Variants in SGPP2 observed in about 807,000 individuals in gnomAD.
SGPP2 encodes sphingosine 1-phosphate phosphohydrolase 2.
SGPP2 carries 30 observed loss-of-function variants against 33.9 expected under a neutral mutation model. The observed-to-expected ratio is 0.89, with a 90% CI of 0.66 to 1.20. SGPP2 has a LOEUF of 1.20. SGPP2 is among the 50% of genes most tolerant of loss of function. SGPP2 has a pLI of 0.00. For missense variants in SGPP2, 458 were observed against 532.1 expected, an observed-to-expected ratio of 0.86 and a Z score of 1.37; for synonymous variants, 233 against 225.0, an observed-to-expected ratio of 1.04 and a Z score of -0.32.
At chr2:222,466,253 C>CTTTTTTTTTTTTTTTTTTTTTTT (rs34005867) in intron 1 of SGPP2, among the ~76,000 whole-genome samples, 1 of 104,704 alleles carries the variant, frequency 9.6e-6, no homozygotes, top group Non-Finnish European at 1.9e-5. Context: ...CTGTTTTCAA[C>CTTTTTTTTTTTTTTTTTTTTTTT]TTTTTTTTTT....
intron 4 of SGPP2, among the ~76,000 whole-genome samples, chr2:222,544,276 T>C (rs1050777281): frequency 5.9e-5 from 9 of 152,240 alleles, no homozygotes; most frequent in Non-Finnish European, 1.2e-4. Context: ...TGAATTACTG[T>C]TCTGTACTAT....
At chr2:222,445,304 C>T (rs191770278) in intron 1 of SGPP2, among the ~76,000 whole-genome samples, 1 of 152,278 alleles carries the variant, frequency 6.6e-6, no homozygotes. Context: ...AAACTTTCTG[C>T]CTTCTGTTCT....
chr2:222,530,622 T>G (rs1018737361), intron 4 of SGPP2, among the ~76,000 whole-genome samples: 1 of 152,246 alleles, frequency 6.6e-6, no homozygotes, highest in African/African-American at 2.4e-5. Context: ...TGCTCTGGAT[T>G]AGACTTTGGC....
rs528182101 is a variant in SGPP2, at chr2:222,550,007, G to A, written c.649-8340G>A. Among the ~76,000 whole-genome samples, 90 of 151,886 alleles carry A rather than the reference G, an allele frequency of 5.9e-4. No homozygotes were observed. The highest frequency in any genetic ancestry group is 1.7e-3 in the South Asian group (8 of 4,802). On this transcript the variant is annotated intron_variant, in intron 4 of 4. Transcript: ENST00000321276. The surrounding 1 kb of genome is among the most constrained non-coding windows in gnomAD (Gnocchi z 4.5). ...TTCCCCTGCCTCAGCCTCCTGAGTA[G>A]CTGGAACTACAGGCACGCGCCACCA...
intron 2 of SGPP2, among the ~76,000 whole-genome samples, chr2:222,488,643 C>G (rs1397433132): frequency 6.6e-6 from 1 of 152,030 alleles, no homozygotes; most frequent in South Asian, 2.1e-4. Flanking sequence ...AAATACAAGC[C>G]CAAAGGGTAT....
intron 4 of SGPP2, among the ~76,000 whole-genome samples, chr2:222,552,556 A>C (rs1474565936): frequency 1.3e-5 from 2 of 152,152 alleles, no homozygotes; most frequent in African/African-American, 4.8e-5. Context: ...AAATCTCACA[A>C]ATCATCACTA....
intron 1 of SGPP2, among the ~76,000 whole-genome samples, chr2:222,471,141 C>G (rs530851471): frequency 1.3e-5 from 2 of 152,278 alleles, no homozygotes; most frequent in South Asian, 4.1e-4. Context: ...TGGGAGACCC[C>G]TTTTTAGATT....
intron 1 of SGPP2, among the ~76,000 whole-genome samples, chr2:222,426,209 CAA>C (rs59881994): frequency 0.051 from 2,986 of 58,410 alleles, 36 homozygotes; most frequent in African/African-American, 0.17. Flanking sequence ...GACTCCGTCT[CAA>C]AAAAAAAAAA....
chr2:222,429,710 C>T (rs1425867786), intron 1 of SGPP2, among the ~76,000 whole-genome samples: 3 of 152,164 alleles, frequency 2.0e-5, no homozygotes, highest in African/African-American at 7.2e-5. Context: ...CATCTTTGTA[C>T]AAGTATCTCT....
chr2:222,440,255 AAGTGTTT>A (rs1455756081), intron 1 of SGPP2, among the ~76,000 whole-genome samples: 1 of 152,118 alleles, frequency 6.6e-6, no homozygotes, highest in Non-Finnish European at 1.5e-5. Context: ...GAGCACAGAG[AAGTGTTT>A]GAGTGTCAGA....
Position 222,473,662 on chromosome 2 carries a change from C to T in SGPP2, c.220-906C>T, listed in dbSNP as rs140390242. ...TTGTCAGGCCGGGCACGGTGGCTCA[C>T]GCCCGTAATCCCAGCACTTTGGGAG... On this transcript the variant is annotated intron_variant, in intron 1 of 4. Transcript: ENST00000321276. Among the ~76,000 whole-genome samples, 356 of 152,284 alleles carry T rather than the reference C, an allele frequency of 2.3e-3. 1 individual carries two copies. Among genetic ancestry groups the T allele is most frequent in the East Asian group, 0.023 (119 of 5,182 alleles).
At chr2:222,440,186 A>C (rs1697303053) in intron 1 of SGPP2, among the ~76,000 whole-genome samples, 1 of 152,232 alleles carries the variant, frequency 6.6e-6, no homozygotes. Flanking sequence ...TGCTGTTTCC[A>C]GAGCTTCAGG....
At chr2:222,498,807 G>A (rs1698322564) in intron 2 of SGPP2, among the ~76,000 whole-genome samples, 1 of 152,070 alleles carries the variant, frequency 6.6e-6, no homozygotes, top group South Asian at 2.1e-4. Context: ...GGTCAGAGAA[G>A]GCCTTTCAGA....
At chr2:222,538,975 C>G (rs1007143121) in intron 4 of SGPP2, among the ~76,000 whole-genome samples, 2 of 152,158 alleles carry the variant, frequency 1.3e-5, no homozygotes, top group Non-Finnish European at 2.9e-5. Context: ...GCATTCTGCC[C>G]TTGGCCCCTC....
intron 1 of SGPP2, among the ~76,000 whole-genome samples, chr2:222,450,483 A>C (rs1317066759): frequency 1.3e-5 from 2 of 152,228 alleles, no homozygotes; most frequent in Non-Finnish European, 2.9e-5. Flanking sequence ...CATTGCAGAA[A>C]TCAACTGGAC....
intron 1 of SGPP2, among the ~76,000 whole-genome samples, chr2:222,441,010 A>C (rs879397551): frequency 1.3e-5 from 2 of 152,288 alleles, no homozygotes; most frequent in Non-Finnish European, 2.9e-5. Context: ...TGTATTCAGC[A>C]TAAGAGATCA....
intron 2 of SGPP2, among the ~76,000 whole-genome samples, chr2:222,499,852 C>A (rs1364663231): frequency 6.6e-6 from 1 of 152,110 alleles, no homozygotes; most frequent in Non-Finnish European, 1.5e-5. Context: ...ATAAGGCCTT[C>A]CATGGAACTG....
At chr2:222,545,020 A>C (rs1489746990) in intron 4 of SGPP2, among the ~76,000 whole-genome samples, 1 of 152,182 alleles carries the variant, frequency 6.6e-6, no homozygotes, top group Non-Finnish European at 1.5e-5. Flanking sequence ...ATAGCTAATG[A>C]AAAATAAAAG....
At chr2:222,435,851 T>C (rs1474537026) in intron 1 of SGPP2, among the ~76,000 whole-genome samples, 1 of 152,250 alleles carries the variant, frequency 6.6e-6, no homozygotes, top group East Asian at 1.9e-4. Flanking sequence ...GACTACCTTC[T>C]ACTGCCCATT....
Sources: allele counts gnomAD v4.1 joint callset (sites outside exome capture counted in the v4.1 genomes callset), GRCh38; gene constraint gnomAD v4.1.1; non-coding constraint Gnocchi (gnomAD v3.1); transcripts MANE v1.5; gene names NCBI Gene and HGNC (gene_info 2026-07-23, HGNC 2026-07-21).